The following ZNF469 variants were observed in gnomAD, a reference collection of about 807,000 sequenced individuals.
ZNF469 encodes the protein zinc finger protein 469.
A neutral mutation model predicts 1.0 loss-of-function variants in ZNF469; 1 was observed. The observed-to-expected ratio is 1.00, with a 90% CI of 0.35 to 4.73. ZNF469 has a LOEUF of 4.73. Among genes scored for constraint, ZNF469 ranks in the 30% most tolerant of loss-of-function variants. The pLI is 0.16. For synonymous variants in ZNF469, 2,703 were observed against 2,363.4 expected (o/e 1.14, Z -4.17); for missense variants, 6,100 against 5,356.3 (o/e 1.14, Z -4.33).
the ZNF469 span, among the ~76,000 whole-genome samples, chr16:88,121,140 G>T: frequency 7.7e-6 from 1 of 130,228 alleles, no homozygotes; most frequent in South Asian, 3.1e-4. Flanking sequence ...GGCGCTGCAT[G>T]AGGCACCCGC....
chr16:88,347,645 C>T, the ZNF469 span, among the ~76,000 whole-genome samples: 24 of 152,330 alleles, frequency 1.6e-4, no homozygotes, highest in East Asian at 4.1e-3. Context: ...ACATCCACCC[C>T]GATGTGAAGA....
the ZNF469 span, among the ~76,000 whole-genome samples, chr16:88,303,554 T>C: frequency 2.0e-5 from 3 of 152,186 alleles, no homozygotes; most frequent in African/African-American, 7.2e-5. Flanking sequence ...CTTGGAGGCA[T>C]CTCAGAAGAA....
chr16:88,312,777 C>G, the ZNF469 span, among the ~76,000 whole-genome samples: 1 of 152,194 alleles, frequency 6.6e-6, no homozygotes, highest in African/African-American at 2.4e-5. Context: ...GCAGTCAATG[C>G]GTCTGCCTTG....
chr16:88,400,406 C>T (rs1000717709), intron 1 of ZNF469, among the ~76,000 whole-genome samples: 1 of 152,202 alleles, frequency 6.6e-6, no homozygotes. Context: ...GAGGCCCTGC[C>T]GGCTCACACC....
the ZNF469 span, among the ~76,000 whole-genome samples, chr16:88,271,929 A>G: frequency 4.6e-5 from 7 of 151,880 alleles, no homozygotes; most frequent in African/African-American, 1.7e-4. Flanking sequence ...GTATGGGTAG[A>G]TGAGTGGGTG....
chr16:88,413,148 G>A (rs1905219632), intron 1 of ZNF469, among the ~76,000 whole-genome samples: 1 of 152,244 alleles, frequency 6.6e-6, no homozygotes, highest in African/African-American at 2.4e-5. Flanking sequence ...CGTGCGTAAA[G>A]CTAATTAAAA....
At chr16:88,133,988 G>C in the ZNF469 span, among the ~76,000 whole-genome samples, 23 of 151,762 alleles carry the variant, frequency 1.5e-4, no homozygotes, top group Middle Eastern at 3.4e-3. Flanking sequence ...CCAGCTACTC[G>C]AGAGGCTGAG....
the ZNF469 span, among the ~76,000 whole-genome samples, chr16:88,232,044 G>A: frequency 6.6e-6 from 1 of 152,252 alleles, no homozygotes; most frequent in East Asian, 1.9e-4. Flanking sequence ...CAGGCTCCTG[G>A]ACCTGGAGCC....
the ZNF469 span, among the ~76,000 whole-genome samples, chr16:88,210,865 AC>A: frequency 4.0e-5 from 6 of 151,320 alleles, no homozygotes; most frequent in Non-Finnish European, 7.4e-5. Context: ...CTCCTCCTCC[AC>A]CCCCCACCAG....
the ZNF469 span, among the ~76,000 whole-genome samples, chr16:88,366,456 TATCATCATCACCATCATCACCATG>T: frequency 8.6e-6 from 1 of 115,672 alleles, no homozygotes. Flanking sequence ...TCATCACCAC[TATCATCATCACCATCATCACCATG>T]ATCATCATCA....
the ZNF469 span, among the ~76,000 whole-genome samples, chr16:88,274,851 G>C: frequency 6.6e-6 from 1 of 152,232 alleles, no homozygotes; most frequent in Non-Finnish European, 1.5e-5. Context: ...GACCTGACAT[G>C]GTTCGCAGAC....
Position 88,437,766 on chromosome 16 carries a change from G to C in ZNF469, c.10296G>C (p.Gln3432His). Reference sequence around the variant, plus strand: ...ACTACACCTTCGCCAAGAAGGAGCAGTTCGACCGCCACATGAACAAGCACC... The same window carrying C: ...ACTACACCTTCGCCAAGAAGGAGCACTTCGACCGCCACATGAACAAGCACC... Reference protein sequence around the residue: ...SCNYTFAKKEQFDRHMNKHLR... With the variant: ...SCNYTFAKKEHFDRHMNKHLR... Residue 3432 changes from glutamine (Q) to histidine (H), a missense_variant, in exon 3 of 3, where the codon CAG (glutamine) becomes CAC (histidine). By Grantham distance (24) the Gln-to-His change is conservative. Transcript: ENST00000565624. 1.3e-6 allele frequency: 2 copies of C among 1,549,532 alleles called. No individual in the cohort carries two copies. Among genetic ancestry groups the C allele is most frequent in the Non-Finnish European group, 1.7e-6 (2 of 1,146,434 alleles).
the ZNF469 span, among the ~76,000 whole-genome samples, chr16:88,271,344 G>A: frequency 6.8e-5 from 9 of 133,108 alleles, 2 homozygotes; most frequent in South Asian, 7.1e-4. Context: ...GGCCGGGGCC[G>A]GGGTCAGAGG....
At chr16:88,148,222 G>A in the ZNF469 span, among the ~76,000 whole-genome samples, 1 of 152,250 alleles carries the variant, frequency 6.6e-6, no homozygotes, top group South Asian at 2.1e-4. Context: ...CCCTCTGAGG[G>A]GCAGAGGCGT....
the ZNF469 span, among the ~76,000 whole-genome samples, chr16:88,353,131 C>G: frequency 6.6e-6 from 1 of 152,092 alleles, no homozygotes; most frequent in Non-Finnish European, 1.5e-5. Flanking sequence ...GTGGGATGGT[C>G]CAGAGAATGC....
At chr16:88,229,635 A>ATG in the ZNF469 span, among the ~76,000 whole-genome samples, 4 of 142,738 alleles carry the variant, frequency 2.8e-5, no homozygotes, top group Non-Finnish European at 6.2e-5. Flanking sequence ...TGTGGATGTC[A>ATG]CGTGTGTGTG....
the ZNF469 span, among the ~76,000 whole-genome samples, chr16:88,339,058 G>A: frequency 2.0e-5 from 3 of 151,176 alleles, no homozygotes; most frequent in South Asian, 2.1e-4. Context: ...GGGCTGCTGC[G>A]TCCTGGAGGG....
At chr16:88,360,076 C>T in the ZNF469 span, among the ~76,000 whole-genome samples, 3 of 152,182 alleles carry the variant, frequency 2.0e-5, no homozygotes, top group African/African-American at 7.2e-5. Flanking sequence ...AGGCTGTTCT[C>T]AAACTCCTGA....
the ZNF469 span, among the ~76,000 whole-genome samples, chr16:88,213,236 C>G: frequency 6.6e-6 from 1 of 151,934 alleles, no homozygotes; most frequent in African/African-American, 2.4e-5. Flanking sequence ...GTAGCTGGGA[C>G]TACAGGCGCC....
Sources: gnomAD v4.1 joint callset for allele counts (sites outside exome capture counted in the v4.1 genomes callset) on GRCh38, gnomAD v4.1.1 for gene constraint, MANE v1.5 for transcripts, NCBI Gene and HGNC (gene_info 2026-07-23, HGNC 2026-07-21) for gene names.